Variants in ANAPC10 observed in about 807,000 individuals in gnomAD.
ANAPC10 encodes the protein anaphase promoting complex subunit 10.
ANAPC10 carries 12 observed loss-of-function variants against 22.0 expected under a neutral mutation model. The ratio of observed to expected loss-of-function variants is 0.55; its 90% CI spans 0.35 to 0.88. The LOEUF (loss-of-function observed/expected upper bound fraction) is 0.88. Among genes scored for constraint, ANAPC10 ranks in the 40% least tolerant of loss-of-function variants. The pLI is 0.01. For missense variants in ANAPC10, 188 were observed against 220.9 expected (o/e 0.85, Z 0.94); for synonymous variants, 65 against 69.5 (o/e 0.94, Z 0.32).
chr4:145,002,342 G>T (rs1295746830), intron 4 of ANAPC10, among the ~76,000 whole-genome samples: 1 of 151,998 alleles, frequency 6.6e-6, no homozygotes, highest in Non-Finnish European at 1.5e-5. Context: ...AACTCAAAAG[G>T]CTCACTATGG....
At chr4:145,073,465 A>T (rs1744769904) in intron 3 of ANAPC10, among the ~76,000 whole-genome samples, 1 of 152,198 alleles carries the variant, frequency 6.6e-6, no homozygotes, top group African/African-American at 2.4e-5. Flanking sequence ...TGAACAGTGT[A>T]ATTTGGGGAG....
At chr4:145,016,917 T>C (rs1455104837) in intron 4 of ANAPC10, among the ~76,000 whole-genome samples, 4 of 152,190 alleles carry the variant, frequency 2.6e-5, no homozygotes, top group Admixed American at 2.6e-4. Flanking sequence ...TGGCTAGCCA[T>C]ATGTAGAAAG....
chr4:145,032,255 T>C (rs1737705842), intron 4 of ANAPC10, among the ~76,000 whole-genome samples: 1 of 152,204 alleles, frequency 6.6e-6, no homozygotes, highest in Non-Finnish European at 1.5e-5. Context: ...AAAGGAAATC[T>C]TCCCAGTGGG....
chr4:145,013,000 T>C (rs563826644), intron 4 of ANAPC10, among the ~76,000 whole-genome samples: 1 of 152,094 alleles, frequency 6.6e-6, no homozygotes, highest in Admixed American at 6.5e-5. Flanking sequence ...CCCTCTTCCC[T>C]CTCTTCCTCC....
At chr4:145,056,865 T>C (rs1742142919) in intron 4 of ANAPC10, among the ~76,000 whole-genome samples, 1 of 152,212 alleles carries the variant, frequency 6.6e-6, no homozygotes, top group Non-Finnish European at 1.5e-5. Context: ...AATGCATATT[T>C]CTATTGAATC....
At chr4:145,095,916 G>C in intron 2 of ANAPC10, 69 bp downstream of exon 2, 1 of 1,604,456 alleles carries the variant, frequency 6.2e-7, no homozygotes, top group Admixed American at 1.7e-5. Flanking sequence ...CCTGGGATAA[G>C]GGGAGATGCC....
intron 3 of ANAPC10, among the ~76,000 whole-genome samples, chr4:145,068,083 A>G (rs1326448234): frequency 2.0e-5 from 3 of 152,224 alleles, no homozygotes; most frequent in Non-Finnish European, 4.4e-5. Flanking sequence ...AAGAGAAGGA[A>G]ACTGGGTCCA....
chr4:145,084,361 A>G (rs1746553421), intron 2 of ANAPC10, among the ~76,000 whole-genome samples: 1 of 152,226 alleles, frequency 6.6e-6, no homozygotes, highest in Non-Finnish European at 1.5e-5. Flanking sequence ...ATATAATGTC[A>G]TGAATCAAGA....
At chr4:145,035,104 G>C (rs555831223) in intron 4 of ANAPC10, 5 of 152,230 alleles carry the variant, frequency 3.3e-5, no homozygotes, top group Admixed American at 6.5e-5. Flanking sequence ...AGACACAAGA[G>C]TTCTTTTCAT....
chr4:145,023,729 C>T (rs1489603048), intron 4 of ANAPC10, among the ~76,000 whole-genome samples: 4 of 152,074 alleles, frequency 2.6e-5, no homozygotes, highest in Non-Finnish European at 5.9e-5. Context: ...GAGTCATAAC[C>T]TTTTTGCTGG....
chr4:145,035,052 T>C (rs1352890597), intron 4 of ANAPC10: 1 of 152,370 alleles, frequency 6.6e-6, no homozygotes, highest in Non-Finnish European at 1.5e-5. Flanking sequence ...TAGTCTAAAG[T>C]ACATTTCTCA....
At chr4:145,058,351 AAC>A (rs1387885127) in intron 4 of ANAPC10, among the ~76,000 whole-genome samples, 1 of 152,110 alleles carries the variant, frequency 6.6e-6, no homozygotes, top group Non-Finnish European at 1.5e-5. Context: ...ATTTATCCTA[AAC>A]AGTCAGTTGA....
At chr4:145,082,556 A>G (rs1285896826) in intron 2 of ANAPC10, among the ~76,000 whole-genome samples, 3 of 152,254 alleles carry the variant, frequency 2.0e-5, no homozygotes, top group Non-Finnish European at 4.4e-5. Context: ...ACACATTCTA[A>G]TAAGTTCAAT....
intron 4 of ANAPC10, among the ~76,000 whole-genome samples, chr4:145,007,924 T>C (rs1479833245): frequency 2.0e-5 from 3 of 147,728 alleles, no homozygotes; most frequent in Non-Finnish European, 4.5e-5. Context: ...ATCAACAAAA[T>C]TGATAGACCG....
intron 4 of ANAPC10, among the ~76,000 whole-genome samples, chr4:145,041,880 GACAA>G (rs1430305760): frequency 5.3e-5 from 8 of 151,996 alleles, no homozygotes; most frequent in Admixed American, 5.2e-4. Context: ...GAAATTCAGA[GACAA>G]ACAAACCTGA....
chr4:145,015,376 CCAAA>C (rs1161484441), intron 4 of ANAPC10, among the ~76,000 whole-genome samples: 2 of 151,652 alleles, frequency 1.3e-5, no homozygotes, highest in Admixed American at 1.3e-4. Flanking sequence ...ATTAACCCAA[CCAAA>C]CAAAGACAAA....
At chr4:144,998,946 C>G (rs913695937) in intron 4 of ANAPC10, among the ~76,000 whole-genome samples, 1 of 152,066 alleles carries the variant, frequency 6.6e-6, no homozygotes, top group Non-Finnish European at 1.5e-5. Flanking sequence ...CACCACTGAA[C>G]CAACAGAAAT....
chr4:145,043,629 A>T (rs1470175811), intron 4 of ANAPC10, among the ~76,000 whole-genome samples: 2 of 152,152 alleles, frequency 1.3e-5, no homozygotes, highest in Admixed American at 6.6e-5. Context: ...TCTTTCCATT[A>T]TAAATCTTTT....
At chr4:145,095,892 C>G in intron 2 of ANAPC10, 93 bp downstream of exon 2, 1 of 1,555,104 alleles carries the variant, frequency 6.4e-7, no homozygotes, top group Non-Finnish European at 8.9e-7. Flanking sequence ...CACTGGGAGT[C>G]CTGGAATGTA....
Sources: gnomAD v4.1 joint callset for allele counts (sites outside exome capture counted in the v4.1 genomes callset) on GRCh38, gnomAD v4.1.1 for gene constraint, MANE v1.5 for transcripts, NCBI Gene and HGNC (gene_info 2026-07-23, HGNC 2026-07-21) for gene names.